The following MLLT10 variants were observed in gnomAD, a reference collection of about 807,000 sequenced individuals.
MLLT10 encodes the protein MLLT10 histone lysine methyltransferase DOT1L cofactor.
MLLT10 carries 30 observed loss-of-function variants against 129.1 expected under a neutral mutation model. That is an observed-to-expected ratio of 0.23 (90% confidence interval 0.17 to 0.32). The LOEUF is 0.32. Ranked by LOEUF, MLLT10 falls within the 10% of genes least tolerant of loss-of-function variation. The pLI, the probability that MLLT10 is intolerant of heterozygous loss-of-function variation, is 1.00. For synonymous variants in MLLT10, 490 were observed against 446.4 expected, an observed-to-expected ratio of 1.10 and a Z score of -1.23; for missense variants, 1,119 against 1,268.3, an observed-to-expected ratio of 0.88 and a Z score of 1.79.
At chr10:21,547,819 G>A (rs190146492) in intron 3 of MLLT10, among the ~76,000 whole-genome samples, 21 of 152,234 alleles carry the variant, frequency 1.4e-4, no homozygotes, top group Admixed American at 1.3e-3. Context: ...TATTACAGGC[G>A]TGAGCCACTG....
chr10:21,630,087 A>G (rs1194887690), intron 8 of MLLT10, among the ~76,000 whole-genome samples: 1 of 152,242 alleles, frequency 6.6e-6, no homozygotes, highest in African/African-American at 2.4e-5. Context: ...GTGAATAACT[A>G]GGTCACCTGG....
chr10:21,705,404 G>C (rs902033047), intron 13 of MLLT10, among the ~76,000 whole-genome samples: 3 of 152,192 alleles, frequency 2.0e-5, no homozygotes, highest in Non-Finnish European at 4.4e-5. Context: ...GGGCAAAGCT[G>C]GGTTGGTGGG....
At chr10:21,564,711 C>T (rs1588967203) in intron 3 of MLLT10, 1 of 151,698 alleles carries the variant, frequency 6.6e-6, no homozygotes, top group East Asian at 1.9e-4. Context: ...GTAATCCCAA[C>T]TACTTGGGAG....
chr10:21,626,623 A>G (rs1248456582), intron 8 of MLLT10, among the ~76,000 whole-genome samples: 1 of 152,186 alleles, frequency 6.6e-6, no homozygotes, highest in Non-Finnish European at 1.5e-5. Context: ...TTTGGCAGGA[A>G]CACACCACAC....
intron 21 of MLLT10, among the ~76,000 whole-genome samples, chr10:21,737,314 A>G (rs2058455129): frequency 6.6e-6 from 1 of 152,174 alleles, no homozygotes; most frequent in Admixed American, 6.5e-5. Context: ...GCATATGGGC[A>G]CCTCAAGACA....
At chr10:21,669,417 T>C (rs1290181822) in intron 9 of MLLT10, among the ~76,000 whole-genome samples, 1 of 152,178 alleles carries the variant, frequency 6.6e-6, no homozygotes, top group Non-Finnish European at 1.5e-5. Flanking sequence ...TGATTGTTTG[T>C]GTTGAGTGGT....
intron 9 of MLLT10, among the ~76,000 whole-genome samples, chr10:21,660,834 T>C (rs2050113536): frequency 6.7e-6 from 1 of 148,928 alleles, no homozygotes; most frequent in Non-Finnish European, 1.5e-5. Context: ...GATAGCGTCA[T>C]TGCGCTCTAG....
intron 3 of MLLT10, among the ~76,000 whole-genome samples, chr10:21,580,138 C>T (rs915975169): frequency 2.6e-5 from 4 of 151,372 alleles, no homozygotes. Context: ...CCTGCCTCAG[C>T]CTTCTGAGTA....
At chr10:21,544,194 CTG>C (rs1257868962) in intron 3 of MLLT10, among the ~76,000 whole-genome samples, 1 of 152,218 alleles carries the variant, frequency 6.6e-6, no homozygotes, top group Non-Finnish European at 1.5e-5. Context: ...CTCTTAACCA[CTG>C]TGTTACCTCT....
At chr10:21,739,944 A>T in intron 21 of MLLT10, 86 bp from the exon 22 acceptor site, 1 of 1,036,240 alleles carries the variant, frequency 9.7e-7, no homozygotes, top group Non-Finnish European at 1.4e-6. Context: ...ATCTAATATT[A>T]AAGGAAAGAA....
At chr10:21,609,565 C>T (rs753295798) in intron 5 of MLLT10, among the ~76,000 whole-genome samples, 1 of 152,140 alleles carries the variant, frequency 6.6e-6, no homozygotes, top group Non-Finnish European at 1.5e-5. Context: ...AGTTCATGTG[C>T]ACAACATTCT....
At chr10:21,662,848 A>G (rs1338035390) in intron 9 of MLLT10, among the ~76,000 whole-genome samples, 1 of 152,200 alleles carries the variant, frequency 6.6e-6, no homozygotes, top group South Asian at 2.1e-4. Context: ...TTATATTTCT[A>G]TAATTAGGTT....
At chr10:21,733,631 C>T (rs1043615754) in intron 19 of MLLT10, 39 bp downstream of exon 19, 1 of 1,471,896 alleles carries the variant, frequency 6.8e-7, no homozygotes, top group East Asian at 2.4e-5. Context: ...TGTTGATTTA[C>T]TTGTGAATAA....
intron 13 of MLLT10, among the ~76,000 whole-genome samples, chr10:21,685,472 T>G (rs1272693979): frequency 6.6e-6 from 1 of 152,044 alleles, no homozygotes; most frequent in Non-Finnish European, 1.5e-5. Context: ...GTAGCTGGGA[T>G]TACAGGCGCC....
chr10:21,544,332 CA>C (rs1489674772), intron 3 of MLLT10, among the ~76,000 whole-genome samples: 1 of 152,116 alleles, frequency 6.6e-6, no homozygotes, highest in Non-Finnish European at 1.5e-5. Context: ...GACAATAAAA[CA>C]AAAGCCCAAC....
intron 3 of MLLT10, among the ~76,000 whole-genome samples, chr10:21,544,392 GT>G (rs1393887496): frequency 6.6e-6 from 1 of 152,168 alleles, no homozygotes; most frequent in Admixed American, 6.6e-5. Context: ...TTTTGCTATG[GT>G]GAGACAATAG....
intron 3 of MLLT10, among the ~76,000 whole-genome samples, chr10:21,562,831 T>TTTTTTTTTTG (rs2039025427): frequency 7.1e-6 from 1 of 140,742 alleles, no homozygotes. Context: ...TTTTTTTTTT[T>TTTTTTTTTTG]TTTTTTTGAG....
intron 3 of MLLT10, among the ~76,000 whole-genome samples, chr10:21,576,081 C>G (rs552289402): frequency 6.6e-6 from 1 of 151,846 alleles, no homozygotes; most frequent in Non-Finnish European, 1.5e-5. Context: ...TGTGTGCCAC[C>G]GTGCCTGGCT....
chr10:21,688,654 A>G lies in MLLT10; in HGVS notation c.1699+6397A>G, dbSNP rs112740459. ...AGCAGTATGTACTCATAAAAAAAAA[A>G]TGATGCCTGAAAGGAATTATCTATA... On this transcript the variant is annotated intron_variant, in intron 13 of 22. Transcript: ENST00000307729. The G allele has an allele frequency of 2.1e-4, 148 of 718,732 alleles. No homozygotes were observed. In the African/African-American group the frequency reaches 2.5e-3, roughly 12 times the overall value. The allele number at this position is 718,732 out of a possible 1,614,324, so 44.5% of individuals were successfully genotyped here.
Sources: allele counts gnomAD v4.1 joint callset (sites outside exome capture counted in the v4.1 genomes callset), GRCh38; gene constraint gnomAD v4.1.1; transcripts MANE v1.5; gene names NCBI Gene and HGNC (gene_info 2026-07-23, HGNC 2026-07-21).